Variants in GPHN observed in about 807,000 individuals in gnomAD.
The protein encoded by GPHN is gephyrin.
GPHN carries 17 observed loss-of-function variants against 95.5 expected under a neutral mutation model. The observed-to-expected ratio is 0.18, with a 90% CI of 0.12 to 0.27. GPHN has a LOEUF of 0.27. Among genes scored for constraint, GPHN ranks in the 10% least tolerant of loss-of-function variants. The pLI, the probability that GPHN is intolerant of heterozygous loss-of-function variation, is 1.00. For synonymous variants in GPHN, 320 were observed against 322.5 expected (o/e 0.99, Z 0.08); for missense variants, 660 against 978.1 (o/e 0.67, Z 4.34).
At chr14:66,797,017 G>GT (rs2060180330) in intron 3 of GPHN, among the ~76,000 whole-genome samples, 1 of 98,300 alleles carries the variant, frequency 1.0e-5, no homozygotes, top group Non-Finnish European at 2.2e-5. Flanking sequence ...TAGGTATCTA[G>GT]TTCCTTTTTT....
the GPHN span, among the ~76,000 whole-genome samples, chr14:67,205,468 G>T: frequency 2.0e-5 from 3 of 152,162 alleles, no homozygotes; most frequent in South Asian, 6.2e-4. Context: ...TACAATGTAA[G>T]GGTTAATTTC....
chr14:67,631,667 T>C, the GPHN span, among the ~76,000 whole-genome samples: 1 of 152,094 alleles, frequency 6.6e-6, no homozygotes, highest in African/African-American at 2.4e-5. Flanking sequence ...CCTGGCCTCA[T>C]GTGATCCTCC....
chr14:66,972,423 T>C (rs1288693788), intron 9 of GPHN, among the ~76,000 whole-genome samples: 1 of 152,012 alleles, frequency 6.6e-6, no homozygotes, highest in East Asian at 1.9e-4. Flanking sequence ...AATAATTTAT[T>C]AGTTATTTCA....
intron 13 of GPHN, among the ~76,000 whole-genome samples, chr14:67,105,071 A>T (rs1237033433): frequency 6.6e-6 from 1 of 151,838 alleles, no homozygotes. Context: ...AAATCTATTT[A>T]TCTCTTAATA....
At chr14:67,222,176 A>G in the GPHN span, among the ~76,000 whole-genome samples, 4 of 152,220 alleles carry the variant, frequency 2.6e-5, no homozygotes, top group African/African-American at 9.6e-5. Context: ...TTGCTGATAT[A>G]TAACGGGAAT....
intron 1 of GPHN, among the ~76,000 whole-genome samples, chr14:66,515,098 T>A (rs2058187925): frequency 6.6e-6 from 1 of 152,088 alleles, no homozygotes; most frequent in South Asian, 2.1e-4. Context: ...GATACTCAGT[T>A]ATTTTTGGTT....
chr14:67,336,473 G>T, the GPHN span: 1 of 268,510 alleles, frequency 3.7e-6, no homozygotes, highest in Non-Finnish European at 7.4e-6. Flanking sequence ...TACATTCCAG[G>T]TATTTAAGAA....
the GPHN span, among the ~76,000 whole-genome samples, chr14:67,487,975 T>C: frequency 1.3e-5 from 2 of 152,350 alleles, no homozygotes; most frequent in South Asian, 2.1e-4. Context: ...GACTATTTAA[T>C]GGAGATTCCA....
the GPHN span, among the ~76,000 whole-genome samples, chr14:67,531,602 A>G: frequency 1.3e-5 from 2 of 151,872 alleles, no homozygotes; most frequent in East Asian, 3.9e-4. Context: ...TCTTTTCACT[A>G]TATAACAAAG....
intron 8 of GPHN, among the ~76,000 whole-genome samples, chr14:66,948,561 T>C (rs900521029): frequency 6.6e-6 from 1 of 152,224 alleles, no homozygotes; most frequent in African/African-American, 2.4e-5. Flanking sequence ...ACTTGTCTTT[T>C]GTAGTTTCTG....
At chr14:67,374,439 G>C in the GPHN span, 1 of 1,481,194 alleles carries the variant, frequency 6.8e-7, no homozygotes, top group Non-Finnish European at 9.3e-7. Flanking sequence ...TCTGGACAGA[G>C]ATGATTTTTT....
chr14:67,219,431 A>G, the GPHN span, among the ~76,000 whole-genome samples: 1 of 152,148 alleles, frequency 6.6e-6, no homozygotes, highest in East Asian at 1.9e-4. Context: ...TTGACACTCC[A>G]GTCACATCTT....
At chr14:67,398,299 A>T in the GPHN span, among the ~76,000 whole-genome samples, 1 of 152,230 alleles carries the variant, frequency 6.6e-6, no homozygotes, top group Non-Finnish European at 1.5e-5. Flanking sequence ...ACCTCAGCTC[A>T]CTGCAGCCTC....
At chr14:67,291,991 A>G in the GPHN span, among the ~76,000 whole-genome samples, 7 of 152,232 alleles carry the variant, frequency 4.6e-5, no homozygotes, top group African/African-American at 1.7e-4. Flanking sequence ...ACTGATTATT[A>G]TGTAATGAAA....
chr14:67,316,009 C>T, the GPHN span, among the ~76,000 whole-genome samples: 1,834 of 152,302 alleles, frequency 0.012, 19 homozygotes, highest in Non-Finnish European at 0.018. Flanking sequence ...ACGAAATGCA[C>T]TAAGTTCTAC....
At chr14:66,747,573 G>A (rs572525012) in intron 2 of GPHN, among the ~76,000 whole-genome samples, 16 of 151,552 alleles carry the variant, frequency 1.1e-4, no homozygotes, top group East Asian at 1.9e-4. Context: ...TTCTCAGGAC[G>A]GGTTAATAGA....
At chr14:67,694,449 T>C in the GPHN span, among the ~76,000 whole-genome samples, 2,858 of 145,774 alleles carry the variant, frequency 0.02, 44 homozygotes, top group Middle Eastern at 0.043. Context: ...TATATATATA[T>C]ATACACACAC....
At chr14:66,605,300 A>C (rs1049375640) in intron 1 of GPHN, among the ~76,000 whole-genome samples, 5 of 152,024 alleles carry the variant, frequency 3.3e-5, no homozygotes, top group Non-Finnish European at 7.4e-5. Context: ...GGCTGAACTA[A>C]CTTGCATTCC....
At chr14:67,375,539 A>T in the GPHN span, among the ~76,000 whole-genome samples, 1 of 151,978 alleles carries the variant, frequency 6.6e-6, no homozygotes, top group Non-Finnish European at 1.5e-5. Flanking sequence ...CAAAAAAAAA[A>T]AAAAGTTTCA....
Sources: allele counts gnomAD v4.1 joint callset (sites outside exome capture counted in the v4.1 genomes callset), GRCh38; gene constraint gnomAD v4.1.1; transcripts MANE v1.5; gene names NCBI Gene and HGNC (gene_info 2026-07-23, HGNC 2026-07-21).